SLC35F4: variants seen among roughly 807,000 people sequenced by gnomAD.
The protein encoded by SLC35F4 is chromosome 14 open reading frame 36.
A neutral mutation model predicts 44.2 loss-of-function variants in SLC35F4; 24 were observed. That is an observed-to-expected ratio of 0.54 (90% CI 0.39 to 0.76). The LOEUF is 0.76. SLC35F4 is among the 30% of genes least tolerant of loss of function. SLC35F4 has a pLI of 0.00. For missense variants in SLC35F4, 562 were observed against 586.1 expected, an observed-to-expected ratio of 0.96 and a Z score of 0.42; for synonymous variants, 238 against 223.6, an observed-to-expected ratio of 1.06 and a Z score of -0.57.
intron 1 of SLC35F4, among the ~76,000 whole-genome samples, chr14:57,740,886 C>T (rs2076588998): frequency 6.6e-6 from 1 of 152,158 alleles, no homozygotes; most frequent in African/African-American, 2.4e-5. Flanking sequence ...CAGTAGGGGC[C>T]GACTGACACC....
chr14:57,722,364 A>T (rs928770664), intron 1 of SLC35F4, among the ~76,000 whole-genome samples: 2 of 152,172 alleles, frequency 1.3e-5, no homozygotes, highest in African/African-American at 4.8e-5. Context: ...GCTTAGGGAG[A>T]TTAGAATGGT....
chr14:57,880,922 T>C (rs969389330), intron 1 of SLC35F4, among the ~76,000 whole-genome samples: 3 of 152,236 alleles, frequency 2.0e-5, no homozygotes, highest in Non-Finnish European at 2.9e-5. Flanking sequence ...AAGGGAGACA[T>C]GGTTGACACA....
chr14:57,787,845 C>G (rs1438060995), intron 1 of SLC35F4, among the ~76,000 whole-genome samples: 3 of 152,140 alleles, frequency 2.0e-5, no homozygotes, highest in Admixed American at 6.6e-5. Context: ...AACAAAAATA[C>G]AAGTTAAAAA....
rs558512782 is a variant in SLC35F4 at position 57,808,573 on chromosome 14, A to T, written c.103+57150T>A. ...ACAGAGTAATAGCCAGTCAATTTAT[A>T]AAAATATACTCCTGAAAATTCTTTC... On this transcript the variant is annotated intron_variant, in intron 1 of 7. Transcript: ENST00000556826. Among the ~76,000 whole-genome samples, 7 of 152,076 alleles carry T rather than the reference A, an allele frequency of 4.6e-5. No homozygotes were observed. The South Asian group carries it at 1.4e-3, about 31-fold the overall frequency.
chr14:57,814,993 G>A (rs867962264), intron 1 of SLC35F4, among the ~76,000 whole-genome samples: 12 of 152,100 alleles, frequency 7.9e-5, no homozygotes, highest in Middle Eastern at 3.2e-3. Context: ...CCATTCTTCT[G>A]TATTTGTAAA....
rs529677235 is a variant in SLC35F4, at chr14:57,964,819, T to C, written n.282+17094A>G. Among the ~76,000 whole-genome samples, 2 of 152,004 alleles carry C rather than the reference T, an allele frequency of 1.3e-5. 1 individual carries two copies. Among genetic ancestry groups the C allele is most frequent in the South Asian group, 4.2e-4 (2 of 4,796 alleles). ...GGGGGCAGAGGGAGGGAAATTACAA[T>C]GCAGGGAGAAGATTACAGTTACTGT... is the stretch of plus-strand genomic sequence containing the variant. On this transcript the variant is annotated intron_variant and non_coding_transcript_variant, in intron 1 of 1. Coordinates refer to the SLC35F4 transcript ENST00000556568.
At chr14:57,736,671 G>A (rs1421715230) in intron 1 of SLC35F4, among the ~76,000 whole-genome samples, 3 of 152,188 alleles carry the variant, frequency 2.0e-5, no homozygotes, top group African/African-American at 7.2e-5. Context: ...ATTACCACAA[G>A]TTATTATCTG....
intron 1 of SLC35F4, among the ~76,000 whole-genome samples, chr14:57,641,180 C>A (rs748135023): frequency 1.3e-5 from 2 of 148,792 alleles, no homozygotes; most frequent in Non-Finnish European, 1.5e-5. Flanking sequence ...ATATCAAAAG[C>A]ACCTATTGCA....
At chr14:57,727,248 G>T (rs966134077) in intron 1 of SLC35F4, among the ~76,000 whole-genome samples, 5 of 151,548 alleles carry the variant, frequency 3.3e-5, no homozygotes, top group African/African-American at 1.2e-4. Context: ...GAATTTCTGT[G>T]ATATAAGTTG....
Position 57,631,850 on chromosome 14 carries a change from A to G in SLC35F4, c.104-37726T>C, listed in dbSNP as rs1245828444. On this transcript the variant is annotated intron_variant, in intron 1 of 7. Coordinates refer to ENST00000556826, the MANE Select transcript of SLC35F4 (RefSeq NM_001306087.2). The stretch of plus-strand genomic sequence containing the variant: ...TTGACATGTCCAATCTCAAATCTTT[A>G]TAAAAAGCCAAAAATTAAAAAAAGT... 2.0e-5 allele frequency among the ~76,000 whole-genome samples: 3 copies of G among 152,260 alleles called. No individual in the cohort carries two copies. The South Asian group carries it at 6.2e-4, about 32-fold the overall frequency.
At chr14:57,640,659 A>G (rs1204163230) in intron 1 of SLC35F4, among the ~76,000 whole-genome samples, 1 of 152,060 alleles carries the variant, frequency 6.6e-6, no homozygotes, top group East Asian at 1.9e-4. Flanking sequence ...AGTTAAGTAA[A>G]ATAACTGAGG....
chr14:57,798,823 G>A (rs1199414244), intron 1 of SLC35F4, among the ~76,000 whole-genome samples: 4 of 152,190 alleles, frequency 2.6e-5, no homozygotes, highest in Non-Finnish European at 4.4e-5. Flanking sequence ...AATGCAGCAA[G>A]GTCTTAGGTT....
intron 1 of SLC35F4, among the ~76,000 whole-genome samples, chr14:57,850,455 T>C (rs530732901): frequency 6.6e-6 from 1 of 152,312 alleles, no homozygotes; most frequent in East Asian, 1.9e-4. Flanking sequence ...CTTCACTACC[T>C]AGAAGCTGCT....
At chr14:57,725,046 T>TA (rs533556534) in intron 1 of SLC35F4, among the ~76,000 whole-genome samples, 182 of 152,136 alleles carry the variant, frequency 1.2e-3, no homozygotes, top group Non-Finnish European at 2.2e-3. Flanking sequence ...TGTGGTGTGG[T>TA]AAAAAAACTG....
In SLC35F4 at chr14:57,901,049, G is replaced by C. The variant is rs144735615; in HGVS notation, n.282+80864C>G. Among the ~76,000 whole-genome samples the C allele has an allele frequency of 9.9e-4, 151 of 152,322 alleles. 1 individual carries two copies. The highest frequency in any genetic ancestry group is 3.5e-3 in the African/African-American group (146 of 41,578). ...ATGCTGGTGAGGTTGCAGAGAAAAA[G>C]GAGTGCTTTTACACCATTGGTGAGA... On this transcript the variant is annotated intron_variant and non_coding_transcript_variant, in intron 1 of 1. Coordinates refer to the SLC35F4 transcript ENST00000556568.
intron 1 of SLC35F4, among the ~76,000 whole-genome samples, chr14:57,690,400 G>A (rs2075196624): frequency 6.6e-6 from 1 of 152,118 alleles, no homozygotes. Context: ...ATTGAAGAGA[G>A]AATAGATAAG....
chr14:57,980,658 G>T (rs1413088460), intron 1 of SLC35F4, among the ~76,000 whole-genome samples: 1 of 152,172 alleles, frequency 6.6e-6, no homozygotes, highest in African/African-American at 2.4e-5. Flanking sequence ...GGCTGTGTTT[G>T]TGTACATGTA....
intron 1 of SLC35F4, among the ~76,000 whole-genome samples, chr14:57,665,027 A>G (rs2074261200): frequency 6.6e-6 from 1 of 152,088 alleles, no homozygotes; most frequent in Non-Finnish European, 1.5e-5. Flanking sequence ...ACATGCTTCC[A>G]CTTCAGAGTG....
chr14:57,961,079 A>G (rs12147537), intron 1 of SLC35F4, among the ~76,000 whole-genome samples: 71,213 of 151,806 alleles, frequency 0.47, 17,920 homozygotes, highest in African/African-American at 0.66. Flanking sequence ...ACGTGGGGCA[A>G]GTGAGTCAGC....
Sources: gnomAD v4.1 joint callset for allele counts (sites outside exome capture counted in the v4.1 genomes callset) on GRCh38, gnomAD v4.1.1 for gene constraint, MANE v1.5 for transcripts, NCBI Gene and HGNC (gene_info 2026-07-23, HGNC 2026-07-21) for gene names.